Variants in SESN1 observed in about 807,000 individuals in gnomAD.
SESN1 encodes the protein sestrin-1.
A neutral mutation model predicts 59.3 loss-of-function variants in SESN1; 30 were observed. The ratio of observed to expected loss-of-function variants is 0.51; its 90% CI spans 0.38 to 0.69. SESN1 has a LOEUF of 0.69. SESN1 is among the 30% of genes least tolerant of loss of function. The pLI is 0.00. For synonymous variants in SESN1, 197 were observed against 219.9 expected (o/e 0.90, Z 0.92); for missense variants, 566 against 673.0 (o/e 0.84, Z 1.76).
chr6:108,984,750 A>C lies in SESN1; in HGVS notation c.*2794T>G, dbSNP rs1779138229. ...AAATACAACTGATTTTTGTGTGCTG[A>C]CTTTGTATCCTACAACTTTGCTGAA... On this transcript the variant is annotated 3_prime_UTR_variant, in exon 10 of 10. Coordinates refer to ENST00000436639, the MANE Select transcript of SESN1 (RefSeq NM_014454.3). Among the ~76,000 whole-genome samples, 1 of 152,166 alleles carries C rather than the reference A, an allele frequency of 6.6e-6. No homozygotes were observed. Among genetic ancestry groups the C allele is most frequent in the African/African-American group, 2.4e-5 (1 of 41,440 alleles).
rs763876525 is a variant in SESN1, at chr6:108,994,574, C to A, written c.1008G>T (p.Met336Ile). Residue 336 changes from methionine to isoleucine, a missense_variant, in exon 6 of 10, where the codon ATG becomes ATT. Physicochemically the swap from Met to Ile is conservative, Grantham distance 10. Coordinates refer to ENST00000436639, the MANE Select transcript of SESN1 (RefSeq NM_014454.3). ...SDSFFEVEAL[M>I]EKMRQLQECR... ...ATTCCTGTAACTGCCTCATCTTTTC[C>A]ATGAGGGCTTCAACCTCAAAGAAAG... The A allele has an allele frequency of 1.2e-6, 2 of 1,613,262 alleles. No individual in the cohort carries two copies. The highest frequency in any genetic ancestry group is 1.7e-5 in the Admixed American group (1 of 59,986).
chr6:109,042,564 G>T (rs929635935), intron 1 of SESN1, among the ~76,000 whole-genome samples: 1 of 146,774 alleles, frequency 6.8e-6, no homozygotes, highest in Non-Finnish European at 1.5e-5. Flanking sequence ...AAGACCAAAA[G>T]ATAATAATGG....
At chr6:108,993,550 G>GA (rs1583259999) in intron 6 of SESN1, among the ~76,000 whole-genome samples, 1 of 152,112 alleles carries the variant, frequency 6.6e-6, no homozygotes, top group East Asian at 1.9e-4. Flanking sequence ...TTGCTATTAA[G>GA]AAACTCGGTG....
intron 1 of SESN1, among the ~76,000 whole-genome samples, chr6:109,004,002 G>A (rs772417106): frequency 3.3e-5 from 5 of 152,068 alleles, no homozygotes; most frequent in Admixed American, 1.3e-4. Context: ...TAAGAGACTT[G>A]GGACTTTAGT....
At chr6:109,093,243 A>C (rs1781362894) in intron 1 of SESN1, among the ~76,000 whole-genome samples, 1 of 152,206 alleles carries the variant, frequency 6.6e-6, no homozygotes, top group Non-Finnish European at 1.5e-5. Flanking sequence ...TTTCTATCAA[A>C]TACCCCACCT....
chr6:108,997,832 G>T (rs1312148870), intron 5 of SESN1, among the ~76,000 whole-genome samples: 2 of 152,066 alleles, frequency 1.3e-5, no homozygotes, highest in Non-Finnish European at 2.9e-5. Flanking sequence ...TACAACAAAA[G>T]AATGCAGAAG....
chr6:109,059,116 C>A (rs1780688204), intron 1 of SESN1, among the ~76,000 whole-genome samples: 1 of 151,942 alleles, frequency 6.6e-6, no homozygotes, highest in Admixed American at 6.6e-5. Context: ...CACACACACA[C>A]ATAATTTACA....
chr6:109,009,569 G>GGCGCC (rs1779817655), intron 1 of SESN1: 1 of 1,105,776 alleles, frequency 9.0e-7, no homozygotes, highest in Non-Finnish European at 1.1e-6. Context: ...GGGGCGGGGC[G>GGCGCC]GCGCCGACAA....
chr6:108,998,962 T>C (rs1381443100), intron 4 of SESN1: 7 of 411,890 alleles, frequency 1.7e-5, no homozygotes, highest in Non-Finnish European at 8.4e-6. Context: ...TGTTAAGACA[T>C]TCACTATTAT....
chr6:108,988,435 T>G, intron 9 of SESN1, 108 bp downstream of exon 9: 1 of 948,630 alleles, frequency 1.1e-6, no homozygotes, highest in Non-Finnish European at 1.5e-6. Context: ...ATGTTTTTCT[T>G]TGGGTTGGTA....
chr6:108,992,994 G>A, intron 6 of SESN1, 95 bp from the exon 7 acceptor site: 2 of 723,842 alleles, frequency 2.8e-6, no homozygotes, highest in Non-Finnish European at 4.8e-6. Context: ...CTCTTTCTCT[G>A]ATACTGAGTG....
chr6:108,988,076 G>C (rs985320938), intron 9 of SESN1, among the ~76,000 whole-genome samples: 1 of 152,124 alleles, frequency 6.6e-6, no homozygotes, highest in Non-Finnish European at 1.5e-5. Flanking sequence ...TTACAGGTGT[G>C]AGCCACCATA....
chr6:109,082,581 C>G (rs550908257), intron 1 of SESN1, among the ~76,000 whole-genome samples: 2 of 152,144 alleles, frequency 1.3e-5, no homozygotes, highest in Non-Finnish European at 1.5e-5. Flanking sequence ...CTGGATGATC[C>G]ATGCAGCTGC....
At chr6:109,002,174 A>G in intron 2 of SESN1, 104 bp downstream of exon 2, 2 of 981,408 alleles carry the variant, frequency 2.0e-6, no homozygotes, top group Non-Finnish European at 3.2e-6. Context: ...AACTCTGACT[A>G]AAACATGTTG....
intron 1 of SESN1, among the ~76,000 whole-genome samples, chr6:109,063,358 AG>A (rs1780763200): frequency 6.6e-6 from 1 of 152,152 alleles, no homozygotes. Flanking sequence ...GTTGGGGGGA[AG>A]GCCAGTAGGC....
chr6:109,067,897 C>T (rs1290608186), intron 1 of SESN1, among the ~76,000 whole-genome samples: 4 of 152,292 alleles, frequency 2.6e-5, no homozygotes, highest in South Asian at 2.1e-4. Flanking sequence ...TGTATCATTA[C>T]GGTACTCTTA....
intron 1 of SESN1, among the ~76,000 whole-genome samples, chr6:109,074,609 T>C (rs932526154): frequency 1.4e-4 from 21 of 152,348 alleles, no homozygotes; most frequent in Admixed American, 1.0e-3. Context: ...TCCTTATAAA[T>C]AACACAAAAT....
intron 1 of SESN1, among the ~76,000 whole-genome samples, chr6:109,031,431 C>T (rs1170116628): frequency 6.6e-6 from 1 of 152,172 alleles, no homozygotes; most frequent in Non-Finnish European, 1.5e-5. Context: ...CACCAAACTT[C>T]ACAGTCCACC....
intron 1 of SESN1, among the ~76,000 whole-genome samples, chr6:109,041,657 T>C (rs917799851): frequency 2.0e-5 from 3 of 151,758 alleles, no homozygotes; most frequent in Admixed American, 2.0e-4. Context: ...TATATAGCAA[T>C]ACCCAAATGT....
Sources: allele counts gnomAD v4.1 joint callset (sites outside exome capture counted in the v4.1 genomes callset), GRCh38; gene constraint gnomAD v4.1.1; transcripts MANE v1.5; gene names NCBI Gene and HGNC (gene_info 2026-07-23, HGNC 2026-07-21).